DDC: variants seen among roughly 807,000 people sequenced by gnomAD.
DDC encodes the protein aromatic-L-amino-acid decarboxylase.
In DDC, 43 loss-of-function variants were observed where a neutral mutation model predicts 60.0. The observed-to-expected ratio is 0.72, with a 90% CI of 0.56 to 0.92. The LOEUF (loss-of-function observed/expected upper bound fraction) is 0.92. Ranked by LOEUF, DDC falls within the 40% of genes least tolerant of loss-of-function variation. DDC has a pLI of 0.00. For synonymous variants in DDC, 232 were observed against 234.6 expected (o/e 0.99, Z 0.10); for missense variants, 573 against 620.2 (o/e 0.92, Z 0.81).
chr7:50,518,768 C>A (rs1410439343), intron 6 of DDC, among the ~76,000 whole-genome samples: 3 of 152,180 alleles, frequency 2.0e-5, no homozygotes, highest in East Asian at 3.8e-4. Context: ...AAACCTAAGA[C>A]CTGAAACTAT....
intron 10 of DDC, among the ~76,000 whole-genome samples, chr7:50,479,096 C>T (rs905978735): frequency 6.6e-6 from 1 of 152,196 alleles, no homozygotes; most frequent in Non-Finnish European, 1.5e-5. Context: ...GATACACTGG[C>T]CCAAGTCAAA....
rs2042725937 is a variant in DDC, at chr7:50,479,772, A to C, written c.1021+15T>G. Reference sequence around the variant, plus strand: ...AGACCAGAAACAGTCCACAGAAAGCAGGCTCACAGCTTACCTGAATCCTGA... The same window carrying C: ...AGACCAGAAACAGTCCACAGAAAGCCGGCTCACAGCTTACCTGAATCCTGA... On this transcript the variant is annotated intron_variant, in intron 10 of 14. Coordinates refer to ENST00000444124, the MANE Select transcript of DDC (RefSeq NM_001082971.2). 6.2e-7 allele frequency: 1 copy of C among 1,611,676 alleles called. No individual in the cohort carries two copies. Among genetic ancestry groups the C allele is most frequent in the Non-Finnish European group, 8.5e-7 (1 of 1,178,574 alleles).
intron 6 of DDC, among the ~76,000 whole-genome samples, chr7:50,519,203 C>T (rs564513874): frequency 6.6e-6 from 1 of 152,210 alleles, no homozygotes; most frequent in African/African-American, 2.4e-5. Flanking sequence ...TACCACCTTA[C>T]TCCTGCAAGA....
intron 9 of DDC, among the ~76,000 whole-genome samples, chr7:50,485,992 A>T (rs1341128126): frequency 6.6e-6 from 1 of 152,224 alleles, no homozygotes; most frequent in Non-Finnish European, 1.5e-5. Context: ...AATGATTGCC[A>T]TTTTAATGTA....
At chr7:50,463,129 G>T in intron 14 of DDC, 84 bp downstream of exon 14, 1 of 1,095,748 alleles carries the variant, frequency 9.1e-7, no homozygotes, top group Non-Finnish European at 1.3e-6. Context: ...GCCGGGCTGG[G>T]CCTGTAGCTG....
chr7:50,518,506 C>T (rs759136217), intron 6 of DDC, among the ~76,000 whole-genome samples: 1 of 152,168 alleles, frequency 6.6e-6, no homozygotes, highest in Non-Finnish European at 1.5e-5. Flanking sequence ...AGGCCATAGT[C>T]ACCAGAACAG....
intron 6 of DDC, among the ~76,000 whole-genome samples, chr7:50,510,668 C>CAA (rs71018473): frequency 0.037 from 3,695 of 99,606 alleles, 143 homozygotes; most frequent in African/African-American, 0.1. Flanking sequence ...GACTCCATCT[C>CAA]AAAAAAAAAA....
At chr7:50,482,216 G>C (rs1418489321) in intron 9 of DDC, among the ~76,000 whole-genome samples, 1 of 152,152 alleles carries the variant, frequency 6.6e-6, no homozygotes, top group Non-Finnish European at 1.5e-5. Context: ...TCCATATCCT[G>C]GTCAACGTTT....
chr7:50,562,120 G>C (rs1253817521), intron 1 of DDC, among the ~76,000 whole-genome samples: 1 of 152,202 alleles, frequency 6.6e-6, no homozygotes, highest in Non-Finnish European at 1.5e-5. Flanking sequence ...TTTCAAGGAA[G>C]AAGCTACCCC....
chr7:50,548,959 T>G (rs28799122), intron 1 of DDC, among the ~76,000 whole-genome samples: 1 of 152,168 alleles, frequency 6.6e-6, no homozygotes, highest in Non-Finnish European at 1.5e-5. Flanking sequence ...CTAGGGCCCT[T>G]AAAAACTATG....
intron 11 of DDC, among the ~76,000 whole-genome samples, chr7:50,470,576 C>T (rs2042508465): frequency 6.6e-6 from 1 of 152,208 alleles, no homozygotes; most frequent in African/African-American, 2.4e-5. Context: ...ATGTCCTTGC[C>T]TACGAGGAAG....
chr7:50,533,943 G>C (rs1052717166), intron 4 of DDC, among the ~76,000 whole-genome samples: 1 of 152,222 alleles, frequency 6.6e-6, no homozygotes, highest in Non-Finnish European at 1.5e-5. Flanking sequence ...TGCAGTGTAA[G>C]AGCAGCTAAG....
intron 4 of DDC, among the ~76,000 whole-genome samples, chr7:50,534,541 G>A (rs1487504694): frequency 1.3e-5 from 2 of 151,908 alleles, no homozygotes; most frequent in Non-Finnish European, 2.9e-5. Flanking sequence ...TGGTTGCAGT[G>A]AGCTGAGATC....
At position 50,550,456 on chromosome 7, in the gene DDC, C is replaced by T. The variant is rs113051571; in HGVS notation, c.-28-6343G>A. ...ACCTGGAACTGAATTTGCAATATTTCTGAGGTGTGAACACCGAAAATTTGA... is the reference window on the plus strand; with the variant it reads ...ACCTGGAACTGAATTTGCAATATTTTTGAGGTGTGAACACCGAAAATTTGA... On this transcript the variant is annotated intron_variant, in intron 1 of 14. Transcript: ENST00000444124. Among the ~76,000 whole-genome samples the T allele has an allele frequency of 4.3e-4, 65 of 152,292 alleles. No individual in the cohort carries two copies. The South Asian group carries it at 0.013, about 32-fold the overall frequency.
intron 1 of DDC, among the ~76,000 whole-genome samples, chr7:50,550,896 T>C (rs1279071416): frequency 6.6e-6 from 1 of 152,198 alleles, no homozygotes; most frequent in Non-Finnish European, 1.5e-5. Context: ...CGTAATACCT[T>C]GAAGAACTTT....
At chr7:50,516,662 T>C (rs905153817) in intron 6 of DDC, among the ~76,000 whole-genome samples, 1 of 151,674 alleles carries the variant, frequency 6.6e-6, no homozygotes, top group South Asian at 2.1e-4. Context: ...AAAAGTTAAA[T>C]AAAATTGATA....
intron 9 of DDC, among the ~76,000 whole-genome samples, chr7:50,494,393 A>T (rs1019494803): frequency 1.1e-4 from 16 of 151,836 alleles, no homozygotes; most frequent in African/African-American, 3.9e-4. Flanking sequence ...TGTCCCAGCT[A>T]CTCGGGAGGC....
intron 14 of DDC, among the ~76,000 whole-genome samples, chr7:50,459,383 G>C (rs2042200108): frequency 6.6e-6 from 1 of 151,858 alleles, no homozygotes; most frequent in Non-Finnish European, 1.5e-5. Context: ...CGCCACCCCG[G>C]TTGGGAAGTG....
intron 6 of DDC, among the ~76,000 whole-genome samples, chr7:50,512,953 A>G (rs2043620742): frequency 6.6e-6 from 1 of 152,214 alleles, no homozygotes; most frequent in South Asian, 2.1e-4. Flanking sequence ...ATTTATACCT[A>G]AGGCCAATCA....
Sources: allele counts gnomAD v4.1 joint callset (sites outside exome capture counted in the v4.1 genomes callset), GRCh38; gene constraint gnomAD v4.1.1; transcripts MANE v1.5; gene names NCBI Gene and HGNC (gene_info 2026-07-23, HGNC 2026-07-21).